Variants in ZIC1 observed in about 807,000 individuals in gnomAD.
ZIC1 encodes the protein zinc finger protein ZIC 1.
ZIC1 carries 4 observed loss-of-function variants against 30.9 expected under a neutral mutation model. That is an observed-to-expected ratio of 0.13 (90% confidence interval 0.06 to 0.30). The LOEUF (loss-of-function observed/expected upper bound fraction) is 0.30, where lower values mean the gene tolerates loss of function less well. ZIC1 is among the 10% of genes least tolerant of loss of function. The pLI is 1.00. For missense variants in ZIC1, 441 were observed against 639.3 expected (o/e 0.69, Z 3.34); for synonymous variants, 305 against 277.5 (o/e 1.10, Z -0.98).
intron 1 of ZIC1, among the ~76,000 whole-genome samples, chr3:147,411,706 G>A (rs1042105301): frequency 6.6e-6 from 1 of 152,106 alleles, no homozygotes; most frequent in South Asian, 2.1e-4. Context: ...TTGAGGGGTG[G>A]AGAAAGTCCG....
chr3:147,410,542 C>T lies in ZIC1; in HGVS notation c.430C>T (p.Pro144Ser). ...HTDAAGHLLF[P>S]GLHEQAAGHA... is the part of the protein sequence containing the mutation. ...GGACGCCGCGGGCCACCTCCTCTTC[C>T]CCGGGCTTCACGAGCAGGCTGCCGG... Residue 144 changes from proline (P) to serine (S), a missense_variant, in exon 1 of 3, where the codon CCC becomes TCC. Physicochemically the swap from Pro to Ser is moderately conservative, Grantham distance 74. Transcript: ENST00000282928. The T allele has an allele frequency of 6.2e-7, 1 of 1,610,706 alleles. No homozygotes were observed. Among genetic ancestry groups the T allele is most frequent in the Non-Finnish European group, 8.5e-7 (1 of 1,179,284 alleles).
At chr3:147,413,189 A>G (rs1309321945) in intron 2 of ZIC1, among the ~76,000 whole-genome samples, 165 bp from the exon 3 acceptor site, 1 of 152,190 alleles carries the variant, frequency 6.6e-6, no homozygotes, top group Non-Finnish European at 1.5e-5. Flanking sequence ...CGGTTTCTGC[A>G]GGCCTGTGCA....
chr3:147,410,139 C>T lies in ZIC1; in HGVS notation c.27C>T (p.Tyr9=). Residue 9 remains tyrosine (Y), a synonymous_variant, in exon 1 of 3, where the codon TAC becomes TAT. Coordinates refer to ENST00000282928, the MANE Select transcript of ZIC1 (RefSeq NM_003412.4). ...TGCTCCTGGACGCCGGCCCCCAGTA[C>T]CCAGCGATCGGCGTGACCACCTTTG... MLLDAGPQ[Y]PAIGVTTFGA... 1.3e-6 allele frequency: 2 copies of T among 1,590,790 alleles called. No homozygotes were observed. The highest frequency in any genetic ancestry group is 8.5e-7 in the Non-Finnish European group (1 of 1,175,486).
intron 2 of ZIC1, among the ~76,000 whole-genome samples, chr3:147,412,952 T>C (rs1191664708): frequency 6.6e-6 from 1 of 152,206 alleles, no homozygotes; most frequent in Non-Finnish European, 1.5e-5. Flanking sequence ...GGCCCAGAGC[T>C]AGGGCTTTTG....
At position 147,410,802 on chromosome 3, in the gene ZIC1, C is replaced by A; in HGVS notation, c.690C>A (p.Ile230=). Residue 230 remains isoleucine, a synonymous_variant, in exon 1 of 3, where the codon ATC becomes ATA. Coordinates refer to ENST00000282928, the MANE Select transcript of ZIC1 (RefSeq NM_003412.4). ...PIKQELICKW[I]EPEQLANPKK... is the part of the protein sequence containing the mutation. Reference sequence around the variant, plus strand: ...AGCAAGAGCTCATCTGCAAGTGGATCGAGCCCGAGCAGCTGGCCAACCCCA... The same window carrying A: ...AGCAAGAGCTCATCTGCAAGTGGATAGAGCCCGAGCAGCTGGCCAACCCCA... 1.2e-6 allele frequency: 2 copies of A among 1,614,228 alleles called. No individual in the cohort carries two copies. The highest frequency in any genetic ancestry group is 1.7e-6 in the Non-Finnish European group (2 of 1,180,042).
chr3:147,416,610 T>G lies in ZIC1; in HGVS notation c.*3059T>G, dbSNP rs1022477692. 2.2e-4 allele frequency: 33 copies of G among 152,368 alleles called. No homozygotes were observed. The highest frequency in any genetic ancestry group is 7.5e-4 in the African/African-American group (31 of 41,584). 9.4% of individuals were successfully genotyped at this position (152,368 alleles called of 1,614,324 possible). A position where few individuals can be genotyped will look rare whatever the true frequency, so the allele number is the denominator to read the frequency against. On this transcript the variant is annotated 3_prime_UTR_variant, in exon 3 of 3. Coordinates refer to ENST00000282928, the MANE Select transcript of ZIC1 (RefSeq NM_003412.4). ...CCATATTTCAAATATCTGTTTAGAC[T>G]GTGAAGGCCAAATAATTTTTAAGAA... is the stretch of plus-strand genomic sequence containing the variant.
In ZIC1 at chr3:147,416,060, T is replaced by A. The variant is rs1161380939; in HGVS notation, c.*2509T>A. ...TTTAGTGAGATTTATGGAAGTTGAA[T>A]ACCTAAGCAGGAATTGCTGCTAGCT... On this transcript the variant is annotated 3_prime_UTR_variant, in exon 3 of 3. Coordinates refer to ENST00000282928, the MANE Select transcript of ZIC1 (RefSeq NM_003412.4). 6.6e-6 allele frequency: 1 copy of A among 152,250 alleles called. No homozygotes were observed. Among genetic ancestry groups the A allele is most frequent in the African/African-American group, 2.4e-5 (1 of 41,456 alleles). The allele number at this position is 152,250 out of a possible 1,614,324, so 9.4% of individuals were successfully genotyped here. A position where few individuals can be genotyped will look rare whatever the true frequency, so the allele number is the denominator to read the frequency against.
chr3:147,415,860 C>A lies in ZIC1; in HGVS notation c.*2309C>A, dbSNP rs575661754. 1.3e-5 allele frequency: 2 copies of A among 151,226 alleles called. No individual in the cohort carries two copies. Among genetic ancestry groups the A allele is most frequent in the African/African-American group, 4.8e-5 (2 of 41,532 alleles). The allele number at this position is 151,226 out of a possible 1,614,324, so 9.4% of individuals were successfully genotyped here. A position where few individuals can be genotyped will look rare whatever the true frequency, so the allele number is the denominator to read the frequency against. On this transcript the variant is annotated 3_prime_UTR_variant, in exon 3 of 3. Coordinates refer to ENST00000282928, the MANE Select transcript of ZIC1 (RefSeq NM_003412.4). ...TGTTGACTTGTCTTTTCATCTCTTG[C>A]TATTTATATTTGTCACTGTTTCAAC...
chr3:147,412,745 C>T (rs932309811), intron 2 of ZIC1, 64 bp downstream of exon 2: 2 of 1,565,570 alleles, frequency 1.3e-6, no homozygotes, highest in Non-Finnish European at 1.7e-6. Flanking sequence ...GGCTTGGGGT[C>T]GGGCGGCGAG....
chr3:147,410,425 C>A lies in ZIC1; in HGVS notation c.313C>A (p.Arg105=). Residue 105 remains arginine (R), a synonymous_variant, in exon 1 of 3, where the codon CGG becomes AGG. Transcript: ENST00000282928. ...NSTRDFLFRN[R]GFGDAAAAAS... ...CACGCGGGACTTTCTGTTCCGCAAC[C>A]GGGGTTTTGGCGACGCGGCGGCGGC... 2 of 1,603,708 alleles carry A rather than the reference C, an allele frequency of 1.2e-6. No homozygotes were observed. The highest frequency in any genetic ancestry group is 1.7e-6 in the Non-Finnish European group (2 of 1,179,676).
chr3:147,411,524 G>A (rs555654457), intron 1 of ZIC1, among the ~76,000 whole-genome samples: 3 of 152,310 alleles, frequency 2.0e-5, no homozygotes, highest in African/African-American at 7.2e-5. Context: ...CCAAAGGAAA[G>A]AGCTGAGGAA....
intron 2 of ZIC1, 68 bp downstream of exon 2, chr3:147,412,749 C>A: frequency 1.3e-6 from 2 of 1,556,440 alleles, no homozygotes; most frequent in Non-Finnish European, 8.7e-7. Context: ...TGGGGTCGGG[C>A]GGCGAGTGGC....
In ZIC1 at chr3:147,414,043, G is replaced by T. The variant is rs1408439828; in HGVS notation, c.*492G>T. ...GGAGGGGGGAGGGACCGGATGGGCG[G>T]GGGGAGGGGGAGGGGGAGGGGTGGG... On this transcript the variant is annotated 3_prime_UTR_variant, in exon 3 of 3. Transcript: ENST00000282928. 7.6e-6 allele frequency: 1 copy of T among 130,816 alleles called. No individual in the cohort carries two copies. The highest frequency in any genetic ancestry group is 7.6e-5 in the Admixed American group (1 of 13,148). The allele number at this position is 130,816 out of a possible 1,614,324, so 8.1% of individuals were successfully genotyped here.
At chr3:147,412,779 C>A in intron 2 of ZIC1, 98 bp downstream of exon 2, 1 of 1,465,172 alleles carries the variant, frequency 6.8e-7, no homozygotes, top group Non-Finnish European at 9.3e-7. Flanking sequence ...GTGGCGGGAG[C>A]CAGAGGAAGC....
chr3:147,416,402 C>A lies in ZIC1; in HGVS notation c.*2851C>A, dbSNP rs1262921043. The A allele has an allele frequency of 6.6e-6, 1 of 152,192 alleles. No individual in the cohort carries two copies. The highest frequency in any genetic ancestry group is 1.5e-5 in the Non-Finnish European group (1 of 68,036). 9.4% of individuals were successfully genotyped at this position (152,192 alleles called of 1,614,324 possible). The stretch of plus-strand genomic sequence containing the variant: ...TGAGTTCATCTTTTCTTCGAACATT[C>A]CTATTCCTAGATGTAGTTTACCTCA... On this transcript the variant is annotated 3_prime_UTR_variant, in exon 3 of 3. Transcript: ENST00000282928.
rs998789170 is a variant in ZIC1 at position 147,416,268 on chromosome 3, T to C, written c.*2717T>C. 6.6e-6 allele frequency: 1 copy of C among 152,232 alleles called. No individual in the cohort carries two copies. Among genetic ancestry groups the C allele is most frequent in the Admixed American group, 6.5e-5 (1 of 15,284 alleles). The allele number at this position is 152,232 out of a possible 1,614,324, so 9.4% of individuals were successfully genotyped here. ...CCACAATTAATAATCCTTCCCACTT[T>C]CATTGAGATCAGCTTGTCTGATAAC... On this transcript the variant is annotated 3_prime_UTR_variant, in exon 3 of 3. Transcript: ENST00000282928.
rs141782628 is a variant in ZIC1, at chr3:147,416,395, G to A, written c.*2844G>A. 5 of 152,180 alleles carry A rather than the reference G, an allele frequency of 3.3e-5. No homozygotes were observed. The highest frequency in any genetic ancestry group is 2.1e-4 in the South Asian group (1 of 4,826). The allele number at this position is 152,180 out of a possible 1,614,324, so 9.4% of individuals were successfully genotyped here. A position where few individuals can be genotyped will look rare whatever the true frequency, so the allele number is the denominator to read the frequency against. Reference sequence around the variant, plus strand: ...TAAATGATGAGTTCATCTTTTCTTCGAACATTCCTATTCCTAGATGTAGTT... The same window carrying A: ...TAAATGATGAGTTCATCTTTTCTTCAAACATTCCTATTCCTAGATGTAGTT... On this transcript the variant is annotated 3_prime_UTR_variant, in exon 3 of 3. Coordinates refer to ENST00000282928, the MANE Select transcript of ZIC1 (RefSeq NM_003412.4).
rs371288695 is a variant in ZIC1, at chr3:147,413,589, A to T, written c.*38A>T. 1.1e-5 allele frequency: 17 copies of T among 1,609,416 alleles called. No homozygotes were observed. The African/African-American group carries it at 2.1e-4, about 20-fold the overall frequency. On this transcript the variant is annotated 3_prime_UTR_variant, in exon 3 of 3. Transcript: ENST00000282928. ...AACATCGAACAAAACCCTATTTAAG[A>T]GACTGATCACACACGTATACACAAC...
intron 1 of ZIC1, 139 bp from the exon 2 acceptor site, chr3:147,412,379 T>A (rs2087388762): frequency 2.2e-6 from 2 of 906,390 alleles, no homozygotes; most frequent in East Asian, 5.3e-5. Flanking sequence ...TTATTGACGT[T>A]CCGGGTTTTT....
Sources: allele counts gnomAD v4.1 joint callset (sites outside exome capture counted in the v4.1 genomes callset), GRCh38; gene constraint gnomAD v4.1.1; transcripts MANE v1.5; gene names NCBI Gene and HGNC (gene_info 2026-07-23, HGNC 2026-07-21).